Variants in MAML3 observed in about 807,000 individuals in gnomAD.
The protein encoded by MAML3 is mastermind like transcriptional coactivator 3.
In MAML3, 27 loss-of-function variants were observed where a neutral mutation model predicts 101.9. The ratio of observed to expected loss-of-function variants is 0.27; its 90% confidence interval spans 0.20 to 0.37. The LOEUF (loss-of-function observed/expected upper bound fraction) is 0.37. MAML3 is among the 10% of genes least tolerant of loss of function. The pLI is 1.00. For synonymous variants in MAML3, 501 were observed against 555.9 expected (o/e 0.90, Z 1.39); for missense variants, 1,316 against 1,444.9 (o/e 0.91, Z 1.45).
At position 140,153,315 on chromosome 4, in the gene MAML3, C is replaced by T. The variant is rs952779052; in HGVS notation, c.13G>A (p.Ala5Thr). 2 of 1,593,144 alleles carry T rather than the reference C, an allele frequency of 1.3e-6. No individual in the cohort carries two copies. Among genetic ancestry groups the T allele is most frequent in the South Asian group, 1.1e-5 (1 of 88,424 alleles). ...CCATTCGCGGCAGCAGCGGGGGCTG[C>T]GAAATCCCCCATCCTGCTCCCCGGG... is the stretch of plus-strand genomic sequence containing the variant. Reference protein sequence around the residue: MGDFAAPAAAANGSS... With the variant: MGDFTAPAAAANGSS... Residue 5 changes from alanine (A) to threonine (T), a missense_variant, in exon 1 of 5, where the codon GCA becomes ACA. Ala to Thr is a moderately conservative substitution (Grantham distance 58, BLOSUM62 0). Coordinates refer to ENST00000509479, the MANE Select transcript of MAML3 (RefSeq NM_018717.5).
intron 2 of MAML3, among the ~76,000 whole-genome samples, chr4:139,839,882 A>G (rs1731329876): frequency 6.6e-6 from 1 of 152,170 alleles, no homozygotes; most frequent in African/African-American, 2.4e-5. Context: ...TGGAGGCTGC[A>G]GCTGCTGGTG....
chr4:139,919,577 A>G (rs1733086668), intron 1 of MAML3, among the ~76,000 whole-genome samples: 1 of 152,310 alleles, frequency 6.6e-6, no homozygotes, highest in African/African-American at 2.4e-5. Context: ...AGAAGTGAGA[A>G]TCTCTGCGTG....
intron 2 of MAML3, among the ~76,000 whole-genome samples, chr4:139,745,435 A>G (rs965538356): frequency 3.3e-5 from 5 of 152,208 alleles, no homozygotes; most frequent in African/African-American, 1.2e-4. Flanking sequence ...GGAGGTAGCC[A>G]TGGGGGTAAT....
chr4:140,007,703 T>G (rs1726474314), intron 1 of MAML3, among the ~76,000 whole-genome samples: 1 of 152,228 alleles, frequency 6.6e-6, no homozygotes, highest in African/African-American at 2.4e-5. Context: ...GATCCCATTC[T>G]TTCCTCCACA....
At chr4:140,038,698 T>A (rs1485889931) in intron 1 of MAML3, among the ~76,000 whole-genome samples, 1 of 152,224 alleles carries the variant, frequency 6.6e-6, no homozygotes, top group Non-Finnish European at 1.5e-5. Flanking sequence ...CCCAGGGTTA[T>A]GACAATAATT....
intron 1 of MAML3, among the ~76,000 whole-genome samples, chr4:139,902,253 G>GCA (rs1248333692): frequency 1.9e-5 from 1 of 52,282 alleles, no homozygotes; most frequent in African/African-American, 4.0e-5. Context: ...GCACGCACAC[G>GCA]CACACACACG....
chr4:140,056,535 G>A (rs554127282), intron 1 of MAML3, among the ~76,000 whole-genome samples: 3 of 151,794 alleles, frequency 2.0e-5, no homozygotes, highest in Admixed American at 6.6e-5. Flanking sequence ...GGCCCTGCGC[G>A]GTGACTCACG....
At chr4:140,091,543 C>CAAAAAAAAAAAAAA (rs1186102121) in intron 1 of MAML3, among the ~76,000 whole-genome samples, 4 of 108,288 alleles carry the variant, frequency 3.7e-5, no homozygotes, top group Middle Eastern at 5.4e-3. Context: ...AAAACAAAAA[C>CAAAAAAAAAAAAAA]AAAACAAAAA....
intron 1 of MAML3, among the ~76,000 whole-genome samples, chr4:139,983,428 G>T (rs910055218): frequency 1.3e-5 from 2 of 152,198 alleles, no homozygotes; most frequent in African/African-American, 4.8e-5. Context: ...GTTAAATGTT[G>T]CTGAGGGGTA....
At chr4:139,778,887 G>A (rs569392395) in intron 2 of MAML3, among the ~76,000 whole-genome samples, 1 of 151,844 alleles carries the variant, frequency 6.6e-6, no homozygotes, top group Admixed American at 6.6e-5. Flanking sequence ...GGAGGCTGAG[G>A]CAGGAGAATC....
At chr4:139,860,789 G>A (rs765731949) in intron 2 of MAML3, among the ~76,000 whole-genome samples, 2 of 152,092 alleles carry the variant, frequency 1.3e-5, no homozygotes, top group Admixed American at 1.3e-4. Context: ...AAAACACTGA[G>A]TTTGTTCTGT....
Position 139,731,933 on chromosome 4 carries a change from C to G in MAML3, c.2080-1266G>C, listed in dbSNP as rs571832762. Among the ~76,000 whole-genome samples, 13 of 152,240 alleles carry G rather than the reference C, an allele frequency of 8.5e-5. No individual in the cohort carries two copies. In the South Asian group the frequency reaches 2.7e-3, roughly 32 times the overall value. On this transcript the variant is annotated intron_variant, in intron 2 of 4. Transcript: ENST00000509479. ...ACACTTCCTTTCCTATTTTTTCTAC[C>G]AAGACTACCTAGCAGTGGCAAGTAT...
At chr4:139,962,777 T>C (rs965297815) in intron 1 of MAML3, among the ~76,000 whole-genome samples, 4 of 152,222 alleles carry the variant, frequency 2.6e-5, no homozygotes, top group South Asian at 2.1e-4. Context: ...GCTTCAACTG[T>C]AGCAGCATAA....
At chr4:140,143,457 T>C (rs17005570) in intron 1 of MAML3, among the ~76,000 whole-genome samples, 5,642 of 152,232 alleles carry the variant, frequency 0.037, 324 homozygotes, top group African/African-American at 0.13. Context: ...TCAATGACTC[T>C]GTGAGGTGAA....
At chr4:140,083,053 T>C (rs985422724) in intron 1 of MAML3, among the ~76,000 whole-genome samples, 6 of 152,246 alleles carry the variant, frequency 3.9e-5, no homozygotes, top group African/African-American at 1.4e-4. Flanking sequence ...CTCTGTATTC[T>C]TTCTATGAAT....
chr4:139,868,823 AG>A (rs1043625147), intron 2 of MAML3, among the ~76,000 whole-genome samples: 1 of 152,252 alleles, frequency 6.6e-6, no homozygotes, highest in African/African-American at 2.4e-5. Context: ...AAATCAAAAC[AG>A]GATAAAGGAG....
intron 1 of MAML3, among the ~76,000 whole-genome samples, chr4:139,917,619 TG>T (rs1400611890): frequency 5.9e-5 from 9 of 152,148 alleles, no homozygotes; most frequent in Non-Finnish European, 1.0e-4. Flanking sequence ...CTAAGATCAA[TG>T]GATGCAAGTA....
intron 1 of MAML3, among the ~76,000 whole-genome samples, chr4:140,087,945 C>T (rs763047973): frequency 3.3e-5 from 5 of 152,256 alleles, no homozygotes; most frequent in Middle Eastern, 3.4e-3. Flanking sequence ...AGCATAAATA[C>T]TTGTTAACAG....
chr4:140,088,151 G>A (rs760675081), intron 1 of MAML3, among the ~76,000 whole-genome samples: 3 of 151,940 alleles, frequency 2.0e-5, no homozygotes, highest in Non-Finnish European at 2.9e-5. Flanking sequence ...CCAGGAGTTC[G>A]AGGTTATGGT....
Sources: allele counts gnomAD v4.1 joint callset (sites outside exome capture counted in the v4.1 genomes callset), GRCh38; gene constraint gnomAD v4.1.1; transcripts MANE v1.5; gene names NCBI Gene and HGNC (gene_info 2026-07-23, HGNC 2026-07-21).